The following LRRFIP1 variants were observed in gnomAD, a reference collection of about 807,000 sequenced individuals.
The protein encoded by LRRFIP1 is LRR binding FLII interacting protein 1.
LRRFIP1 carries 62 observed loss-of-function variants against 104.4 expected under a neutral mutation model. The ratio of observed to expected loss-of-function variants is 0.59; its 90% CI spans 0.48 to 0.73. The LOEUF is 0.73. Among genes scored for constraint, LRRFIP1 ranks in the 30% least tolerant of loss-of-function variants. The pLI is 0.00. For missense variants in LRRFIP1, 796 were observed against 824.5 expected (o/e 0.97, Z 0.42); for synonymous variants, 300 against 299.0 (o/e 1.00, Z -0.03).
At chr2:237,708,466 C>T in intron 1 of LRRFIP1, 78 bp from the exon 2 acceptor site, 1 of 1,056,082 alleles carries the variant, frequency 9.5e-7, no homozygotes, top group Non-Finnish European at 1.4e-6. Context: ...GATTTTCTTT[C>T]CGCATCATCA....
chr2:237,684,173 A>ATT (rs11362124), intron 1 of LRRFIP1: 19 of 139,280 alleles, frequency 1.4e-4, no homozygotes, highest in African/African-American at 3.9e-4. Flanking sequence ...TAAAATTGCC[A>ATT]TTTTTTTTTT....
intron 1 of LRRFIP1, among the ~76,000 whole-genome samples, chr2:237,648,416 T>C (rs115075763): frequency 0.014 from 2,083 of 151,988 alleles, 47 homozygotes; most frequent in African/African-American, 0.046. Flanking sequence ...GGGGTGTTCA[T>C]TGTAATCTGG....
At chr2:237,758,396 A>G (rs1321340563) in intron 17 of LRRFIP1, among the ~76,000 whole-genome samples, 1 of 152,202 alleles carries the variant, frequency 6.6e-6, no homozygotes, top group African/African-American at 2.4e-5. Context: ...ATTCAAGTGG[A>G]GACTTTGCGT....
At chr2:237,716,289 A>G (rs1369680586) in intron 3 of LRRFIP1, among the ~76,000 whole-genome samples, 4 of 152,246 alleles carry the variant, frequency 2.6e-5, no homozygotes, top group Admixed American at 6.5e-5. Flanking sequence ...AAGTTAAAAC[A>G]TGACTTTGGG....
At position 237,717,750 on chromosome 2, in the gene LRRFIP1, T is replaced by G. The variant is rs971825052; in HGVS notation, c.202-12T>G. On this transcript the variant is annotated splice_polypyrimidine_tract_variant and intron_variant, in intron 3 of 23. Transcript: ENST00000308482. The surrounding 1 kb of genome is among the most constrained non-coding windows in gnomAD (Gnocchi z 4.2). ...CACTTCTTGCCTAATTTTCTTTCCC[T>G]TCTGTCTATAGAAATATTATGGGCT... is the stretch of plus-strand genomic sequence containing the variant. 4 of 1,604,660 alleles carry G rather than the reference T, an allele frequency of 2.5e-6. No homozygotes were observed. The highest frequency in any genetic ancestry group is 2.2e-5 in the South Asian group (2 of 90,912).
At chr2:237,675,343 T>C (rs1241557125) in intron 1 of LRRFIP1, among the ~76,000 whole-genome samples, 5 of 152,256 alleles carry the variant, frequency 3.3e-5, no homozygotes, top group Non-Finnish European at 5.9e-5. Flanking sequence ...TTGGCTCTGA[T>C]TGATACACTA....
At chr2:237,664,255 A>G (rs966401552) in intron 1 of LRRFIP1, among the ~76,000 whole-genome samples, 1 of 152,204 alleles carries the variant, frequency 6.6e-6, no homozygotes, top group Non-Finnish European at 1.5e-5. Flanking sequence ...GGCCCAAGCC[A>G]GGGAGATTGA....
Position 237,708,604 on chromosome 2 carries a change from A to G in LRRFIP1, c.157A>G (p.Lys53Glu), listed in dbSNP as rs753707989. The G allele has an allele frequency of 6.2e-7, 1 of 1,601,568 alleles. No homozygotes were observed. Among genetic ancestry groups the G allele is most frequent in the Non-Finnish European group, 8.5e-7 (1 of 1,172,386 alleles). Residue 53 changes from lysine to glutamate, a missense_variant, in exon 2 of 24, where the codon AAG becomes GAG. Coordinates refer to ENST00000308482, the MANE Select transcript of LRRFIP1 (RefSeq NM_001137550.2). Reference protein sequence around the residue: ...ARAEAREIRMKELERQQKEIY... With the variant: ...ARAEAREIRMEELERQQKEIY... The stretch of plus-strand genomic sequence containing the variant: ...CGCGGAGGCTCGCGAGATCCGCATG[A>G]AGGAGCTGGAGCGGCAGCAGAAGGA...
chr2:237,665,087 C>A (rs771527174), intron 1 of LRRFIP1, among the ~76,000 whole-genome samples: 3 of 152,144 alleles, frequency 2.0e-5, no homozygotes, highest in Non-Finnish European at 2.9e-5. Context: ...TTCATGAAAG[C>A]ATTTAAATAA....
At chr2:237,755,557 T>C (rs1485128653) in intron 15 of LRRFIP1, among the ~76,000 whole-genome samples, 1 of 152,194 alleles carries the variant, frequency 6.6e-6, no homozygotes, top group Non-Finnish European at 1.5e-5. Context: ...TCCTTGTTGA[T>C]TGCATCAACT....
intron 7 of LRRFIP1, among the ~76,000 whole-genome samples, chr2:237,725,458 A>G (rs1047765699): frequency 1.3e-5 from 2 of 152,206 alleles, no homozygotes; most frequent in Non-Finnish European, 2.9e-5. Flanking sequence ...TTAACTGTCA[A>G]TGCCCCTTGC....
chr2:237,694,004 C>T (rs571462970), intron 1 of LRRFIP1, among the ~76,000 whole-genome samples: 1 of 152,282 alleles, frequency 6.6e-6, no homozygotes, highest in East Asian at 1.9e-4. Flanking sequence ...GGCCCACTGT[C>T]CCTCACCCCC....
At chr2:237,677,642 A>T (rs1044318320) in intron 1 of LRRFIP1, among the ~76,000 whole-genome samples, 1 of 152,220 alleles carries the variant, frequency 6.6e-6, no homozygotes, top group Non-Finnish European at 1.5e-5. Context: ...AAAAAACTAA[A>T]AACTACATAA....
At chr2:237,683,889 A>G (rs2092096522) in intron 1 of LRRFIP1, among the ~76,000 whole-genome samples, 1 of 152,208 alleles carries the variant, frequency 6.6e-6, no homozygotes, top group African/African-American at 2.4e-5. Context: ...TGAGTACCTT[A>G]AACTTCTCTG....
intron 1 of LRRFIP1, among the ~76,000 whole-genome samples, chr2:237,688,240 A>G (rs2092518589): frequency 6.6e-6 from 1 of 152,148 alleles, no homozygotes; most frequent in South Asian, 2.1e-4. Flanking sequence ...TTAACCAGTG[A>G]TGTCGGGAGG....
chr2:237,709,808 G>C (rs1263498403), intron 2 of LRRFIP1, among the ~76,000 whole-genome samples: 2 of 152,076 alleles, frequency 1.3e-5, no homozygotes, highest in Non-Finnish European at 2.9e-5. Flanking sequence ...CCACTAGAAG[G>C]AATAGTGCTT....
At chr2:237,692,300 G>T (rs1444965483) in intron 1 of LRRFIP1, 1 of 1,203,426 alleles carries the variant, frequency 8.3e-7, no homozygotes, top group Non-Finnish European at 1.0e-6. Flanking sequence ...CTCCCCGGCG[G>T]GCTGGCTCCT....
At chr2:237,774,218 A>G in intron 22 of LRRFIP1, 140 bp from the exon 23 acceptor site, 1 of 628,518 alleles carries the variant, frequency 1.6e-6, no homozygotes, top group Non-Finnish European at 2.8e-6. Flanking sequence ...AACCCACACC[A>G]TAGTCCAAAA....
At chr2:237,713,072 G>T (rs1011904139) in intron 2 of LRRFIP1, among the ~76,000 whole-genome samples, 3 of 151,974 alleles carry the variant, frequency 2.0e-5, no homozygotes, top group Non-Finnish European at 4.4e-5. Flanking sequence ...TCTTGAGGGG[G>T]CCGCTCTGAG....
Sources: allele counts gnomAD v4.1 joint callset (sites outside exome capture counted in the v4.1 genomes callset), GRCh38; gene constraint gnomAD v4.1.1; non-coding constraint Gnocchi (gnomAD v3.1); transcripts MANE v1.5; gene names NCBI Gene and HGNC (gene_info 2026-07-23, HGNC 2026-07-21).